The following HSD11B1 variants were observed in gnomAD, a reference collection of about 807,000 sequenced individuals.
The protein encoded by HSD11B1 is hydroxysteroid 11-beta dehydrogenase 1.
In HSD11B1, 15 loss-of-function variants were observed where a neutral mutation model predicts 22.1. The observed-to-expected ratio is 0.68, with a 90% CI of 0.45 to 1.04. HSD11B1 has a LOEUF of 1.04. Among genes scored for constraint, HSD11B1 ranks in the 50% least tolerant of loss-of-function variants. The probability of loss-of-function intolerance (pLI) is 0.00; values close to 1 mark genes in which losing one functional copy is unlikely to be tolerated. For synonymous variants in HSD11B1, 122 were observed against 125.2 expected, an observed-to-expected ratio of 0.97 and a Z score of 0.17; for missense variants, 281 against 357.6, an observed-to-expected ratio of 0.79 and a Z score of 1.73.
chr1:209,701,243 G>A (rs1439664873), upstream of HSD11B1, among the ~76,000 whole-genome samples: 8 of 152,210 alleles, frequency 5.3e-5, no homozygotes, highest in African/African-American at 1.7e-4. Context: ...AGTTCCACAT[G>A]GCTGGGGAGG....
At chr1:209,726,670 G>T (rs1325773834) in intron 4 of HSD11B1, among the ~76,000 whole-genome samples, 1 of 152,050 alleles carries the variant, frequency 6.6e-6, no homozygotes, top group Non-Finnish European at 1.5e-5. Flanking sequence ...GACATGTCTG[G>T]CTCCTTCACT....
chr1:209,702,155 A>ATTTTGTC (rs1314263762), upstream of HSD11B1, among the ~76,000 whole-genome samples: 2 of 152,198 alleles, frequency 1.3e-5, no homozygotes, highest in East Asian at 3.8e-4. Flanking sequence ...GTTGTATTTC[A>ATTTTGTC]TTTTGTCTTT....
In HSD11B1 at chr1:209,688,895, A is replaced by G. The variant is rs143701745; in HGVS notation, c.-49+2610A>G. 1.4e-3 allele frequency among the ~76,000 whole-genome samples: 211 copies of G among 152,336 alleles called. 1 individual carries two copies. The highest frequency in any genetic ancestry group is 4.0e-3 in the African/African-American group (166 of 41,580). On this transcript the variant is annotated intron_variant, in intron 1 of 6. Transcript: ENST00000261465. The stretch of plus-strand genomic sequence containing the variant: ...AACACTCTTGGAAGATGGAAAGTGG[A>G]TGGATGAGTAATAAGTGACTTAGCA...
At chr1:209,709,154 T>C (rs2076879155) in intron 4 of HSD11B1, among the ~76,000 whole-genome samples, 1 of 152,248 alleles carries the variant, frequency 6.6e-6, no homozygotes, top group Non-Finnish European at 1.5e-5. Flanking sequence ...AGTACTGGGA[T>C]GGAGTTTTAA....
chr1:209,732,476 C>T lies in HSD11B1; in HGVS notation c.558C>T (p.Ser186=), dbSNP rs373059310. Residue 186 remains serine (S), a synonymous_variant, in exon 5 of 6, where the codon AGC becomes AGT. Coordinates refer to ENST00000367027, the MANE Select transcript of HSD11B1 (RefSeq NM_005525.4). ...AYPMVAAYSA[S]KFALDGFFSS... ...CAATGGTTGCTGCCTATTCTGCAAG[C>T]AAGTTTGCTTTGGATGGGTTCTTCT... 2 of 1,613,982 alleles carry T rather than the reference C, an allele frequency of 1.2e-6. No individual in the cohort carries two copies. Among genetic ancestry groups the T allele is most frequent in the South Asian group, 1.1e-5 (1 of 91,086 alleles).
chr1:209,734,278 C>T (rs1373854478), intron 5 of HSD11B1, 26 bp from the exon 6 acceptor site: 22 of 1,575,064 alleles, frequency 1.4e-5, no homozygotes, highest in Non-Finnish European at 1.8e-5. Context: ...GTCAGATAAC[C>T]CTACTCTTCC....
In HSD11B1 at chr1:209,706,472, A is replaced by C. The variant is rs953086405; in HGVS notation, c.220-237A>C. Among the ~76,000 whole-genome samples the C allele has an allele frequency of 2.6e-5, 4 of 152,216 alleles. No homozygotes were observed. The highest frequency in any genetic ancestry group is 7.2e-5 in the African/African-American group (3 of 41,462). On this transcript the variant is annotated intron_variant, in intron 2 of 5. Coordinates refer to ENST00000367027, the MANE Select transcript of HSD11B1 (RefSeq NM_005525.4). The surrounding 1 kb of genome is among the most constrained non-coding windows in gnomAD (Gnocchi z 4.0). ...AGCCATGAGCATAAATCATGAACTT[A>C]AACCCCAGCACTGGGATGATTTATC...
At chr1:209,710,459 T>C (rs11119327) in intron 4 of HSD11B1, among the ~76,000 whole-genome samples, 29,746 of 152,164 alleles carry the variant, frequency 0.2, 2,961 homozygotes, top group East Asian at 0.22. Context: ...GAAGTCTTTT[T>C]CAGAACTCAC....
intron 4 of HSD11B1, among the ~76,000 whole-genome samples, chr1:209,709,018 T>C (rs2076878241): frequency 6.6e-6 from 1 of 152,204 alleles, no homozygotes; most frequent in Non-Finnish European, 1.5e-5. Context: ...CTGAAGAATA[T>C]TCTCTGCTTT....
intron 4 of HSD11B1, among the ~76,000 whole-genome samples, chr1:209,714,433 C>G (rs1339588087): frequency 6.6e-6 from 1 of 152,180 alleles, no homozygotes; most frequent in African/African-American, 2.4e-5. Flanking sequence ...ATCTCTGATT[C>G]CCTGGAGCTA....
chr1:209,720,045 T>TA (rs1251079095), intron 4 of HSD11B1, among the ~76,000 whole-genome samples: 3 of 152,208 alleles, frequency 2.0e-5, no homozygotes, highest in Non-Finnish European at 2.9e-5. Flanking sequence ...CATGTGTACC[T>TA]ATGTAACAAA....
Position 209,706,878 on chromosome 1 carries a change from T to C in HSD11B1, c.331+58T>C. The C allele has an allele frequency of 6.2e-7, 1 of 1,607,140 alleles. No homozygotes were observed. The highest frequency in any genetic ancestry group is 8.5e-7 in the Non-Finnish European group (1 of 1,173,638). The stretch of plus-strand genomic sequence containing the variant: ...CTTTGCCCTTGGGGTCACCAAGAGC[T>C]TTTGGGAGGAGAATGGGAAAGGTAT... On this transcript the variant is annotated intron_variant, in intron 3 of 5. Coordinates refer to ENST00000367027, the MANE Select transcript of HSD11B1 (RefSeq NM_005525.4). This position sits in a 1 kb window ranked among gnomAD's most constrained non-coding sequence, Gnocchi z 4.0.
At chr1:209,700,088 G>C (rs1571868383), upstream of HSD11B1, among the ~76,000 whole-genome samples, 1 of 152,304 alleles carries the variant, frequency 6.6e-6, no homozygotes, top group South Asian at 2.1e-4. Flanking sequence ...ACTGCCAGTG[G>C]ATCTACCATT....
At chr1:209,712,963 C>T (rs1242038295) in intron 4 of HSD11B1, among the ~76,000 whole-genome samples, 9 of 152,036 alleles carry the variant, frequency 5.9e-5, no homozygotes, top group East Asian at 1.9e-4. Flanking sequence ...GCAGGAGAAT[C>T]GCTTGAACCT....
rs148470222 is a variant in HSD11B1, at chr1:209,729,845, G to A, written c.518-2591G>A. On this transcript the variant is annotated intron_variant, in intron 4 of 5. Coordinates refer to ENST00000367027, the MANE Select transcript of HSD11B1 (RefSeq NM_005525.4). ...TCAACATAAGCAAATCAATAAATGTGATACATCACATCAACAGAATCAAAG... is the reference window on the plus strand; with the variant it reads ...TCAACATAAGCAAATCAATAAATGTAATACATCACATCAACAGAATCAAAG... 8.4e-3 allele frequency among the ~76,000 whole-genome samples: 1,283 copies of A among 152,244 alleles called. 12 individuals carry two copies. The highest frequency in any genetic ancestry group is 0.028 in the African/African-American group (1,167 of 41,544).
At position 209,734,541 on chromosome 1, in the gene HSD11B1, C is replaced by T. The variant is rs765922448; in HGVS notation, c.*20C>T. 1.9e-6 allele frequency: 3 copies of T among 1,561,032 alleles called. No homozygotes were observed. In the South Asian group the frequency reaches 3.3e-5, roughly 17 times the overall value. ...AAGTAGGAACTCCCTGAGGGCTGGG[C>T]ATGCTGAGGGATTTTGGGACTGTTC... On this transcript the variant is annotated 3_prime_UTR_variant, in exon 6 of 6. Coordinates refer to ENST00000367027, the MANE Select transcript of HSD11B1 (RefSeq NM_005525.4).
chr1:209,724,548 T>A (rs925662403), intron 4 of HSD11B1, among the ~76,000 whole-genome samples: 1 of 152,186 alleles, frequency 6.6e-6, no homozygotes, highest in Non-Finnish European at 1.5e-5. Context: ...TCAGCTGAAA[T>A]GAAAGCAGAA....
chr1:209,715,614 T>C lies in HSD11B1; in HGVS notation c.517+8486T>C, dbSNP rs564939893. Among the ~76,000 whole-genome samples the C allele has an allele frequency of 1.2e-4, 18 of 152,242 alleles. No individual in the cohort carries two copies. The South Asian group carries it at 2.1e-3, about 18-fold the overall frequency. ...ATCCCACTAGCCAAACCTAGAACCA[T>C]TGAGGCATCAAAACAAATAGTAGTA... On this transcript the variant is annotated intron_variant, in intron 4 of 5. Coordinates refer to ENST00000367027, the MANE Select transcript of HSD11B1 (RefSeq NM_005525.4).
At chr1:209,722,987 G>C (rs2076976076) in intron 4 of HSD11B1, among the ~76,000 whole-genome samples, 2 of 152,186 alleles carry the variant, frequency 1.3e-5, no homozygotes, top group Non-Finnish European at 2.9e-5. Context: ...ATAAGCCTCA[G>C]TGCATGGCTT....
Sources: gnomAD v4.1 joint callset for allele counts (sites outside exome capture counted in the v4.1 genomes callset) on GRCh38, gnomAD v4.1.1 for gene constraint, Gnocchi (gnomAD v3.1) non-coding constraint, MANE v1.5 for transcripts, NCBI Gene and HGNC (gene_info 2026-07-23, HGNC 2026-07-21) for gene names.